PMS1: variants seen among roughly 807,000 people sequenced by gnomAD.
PMS1 encodes PMS1 protein homolog 1.
Under a neutral mutation model 93.1 loss-of-function variants are expected in PMS1, and 79 were observed. The observed-to-expected ratio is 0.85, with a 90% CI of 0.71 to 1.02. PMS1 has a LOEUF of 1.02. PMS1 is among the 50% of genes least tolerant of loss of function. The pLI, the probability that PMS1 is intolerant of heterozygous loss-of-function variation, is 0.00. For missense variants in PMS1, 1,064 were observed against 1,085.3 expected (o/e 0.98, Z 0.28); for synonymous variants, 335 against 363.4 (o/e 0.92, Z 0.89).
Position 189,844,088 on chromosome 2 carries a change from G to C in PMS1, c.699+8G>C, listed in dbSNP as rs773876259. ...CACTCTGAAGAATCTCAGGTATACT[G>C]CAAAAACATTCTCAGATAATTCTGA... is the stretch of plus-strand genomic sequence containing the variant. On this transcript the variant is annotated splice_region_variant and intron_variant, in intron 6 of 12. Coordinates refer to ENST00000441310, the MANE Select transcript of PMS1 (RefSeq NM_000534.5). 1 of 1,613,024 alleles carries C rather than the reference G, an allele frequency of 6.2e-7. No homozygotes were observed. Among genetic ancestry groups the C allele is most frequent in the African/African-American group, 1.3e-5 (1 of 74,884 alleles).
intron 11 of PMS1, among the ~76,000 whole-genome samples, chr2:189,871,474 G>A (rs1024926522): frequency 1.3e-5 from 2 of 152,176 alleles, no homozygotes; most frequent in Non-Finnish European, 2.9e-5. Context: ...AAATCCTTGC[G>A]GGGACATAAA....
intron 5 of PMS1, among the ~76,000 whole-genome samples, chr2:189,820,162 A>G (rs1036859351): frequency 6.6e-6 from 1 of 152,196 alleles, no homozygotes; most frequent in Non-Finnish European, 1.5e-5. Flanking sequence ...TGTAGGGATT[A>G]TATCAGTTTT....
chr2:189,819,662 G>A (rs1167249024), intron 5 of PMS1, among the ~76,000 whole-genome samples: 6 of 152,026 alleles, frequency 3.9e-5, no homozygotes, highest in Non-Finnish European at 8.8e-5. Context: ...TATGCTTGCT[G>A]GCCTTTTGTC....
chr2:189,872,519 T>C (rs975707464), intron 11 of PMS1, among the ~76,000 whole-genome samples: 1 of 152,238 alleles, frequency 6.6e-6, no homozygotes, highest in Non-Finnish European at 1.5e-5. Context: ...ACATCTTTGC[T>C]ATGTTCCAAA....
chr2:189,826,225 G>C (rs1233291), intron 5 of PMS1, among the ~76,000 whole-genome samples: 66,450 of 151,976 alleles, frequency 0.44, 19,528 homozygotes, highest in African/African-American at 0.85. Context: ...TTCCCCTCCC[G>C]CAATCCCAGC....
chr2:189,844,331 G>A (rs2106415643), intron 6 of PMS1, among the ~76,000 whole-genome samples: 1 of 152,094 alleles, frequency 6.6e-6, no homozygotes, highest in African/African-American at 2.4e-5. Context: ...AATCTTTTCT[G>A]TTTACTTTCT....
At chr2:189,852,281 A>G (rs1185160655) in intron 6 of PMS1, among the ~76,000 whole-genome samples, 2 of 152,220 alleles carry the variant, frequency 1.3e-5, no homozygotes, top group Non-Finnish European at 2.9e-5. Context: ...AGACAAAAGG[A>G]CAAACAGCCA....
chr2:189,856,968 C>T (rs2055399396), intron 9 of PMS1, among the ~76,000 whole-genome samples: 1 of 152,044 alleles, frequency 6.6e-6, no homozygotes, highest in Admixed American at 6.6e-5. Flanking sequence ...TCTCACATTG[C>T]CATAAAGTAG....
rs750916185 is a variant in PMS1, at chr2:189,791,869, G to C, written c.60G>C (p.Ser20=). Residue 20 remains serine (S), a synonymous_variant, in exon 2 of 13, where the codon TCG becomes TCC. Coordinates refer to ENST00000441310, the MANE Select transcript of PMS1 (RefSeq NM_000534.5). Reference sequence around the variant, plus strand: ...TTTCAAGTTCTCAGATCATCACTTCGGTGGTCAGTGTTGTAAAAGAGCTTA... The same window carrying C: ...TTTCAAGTTCTCAGATCATCACTTCCGTGGTCAGTGTTGTAAAAGAGCTTA... ...RLLSSSQIIT[S]VVSVVKELIE... The C allele has an allele frequency of 6.2e-7, 1 of 1,613,692 alleles. No homozygotes were observed. Among genetic ancestry groups the C allele is most frequent in the Non-Finnish European group, 8.5e-7 (1 of 1,179,632 alleles).
rs964371426 is a variant in PMS1 at position 189,828,942 on chromosome 2, A to G, written c.582+10762A>G. On this transcript the variant is annotated intron_variant, in intron 5 of 12. Transcript: ENST00000441310. The stretch of plus-strand genomic sequence containing the variant: ...GGATCCTTAGATCTTTACATCTGAA[A>G]AGACCACTGAAAATGTTTTTTGTCC... 5.3e-5 allele frequency among the ~76,000 whole-genome samples: 8 copies of G among 152,050 alleles called. 1 individual carries two copies. Among genetic ancestry groups the G allele is most frequent in the African/African-American group, 1.7e-4 (7 of 41,386 alleles).
chr2:189,868,337 C>T (rs774168348), intron 11 of PMS1, among the ~76,000 whole-genome samples: 68 of 152,156 alleles, frequency 4.5e-4, no homozygotes, highest in Non-Finnish European at 7.6e-4. Flanking sequence ...GCCAATTAGA[C>T]GTGTAACATC....
intron 3 of PMS1, among the ~76,000 whole-genome samples, chr2:189,802,083 A>G (rs1458819399): frequency 6.6e-6 from 1 of 152,218 alleles, no homozygotes; most frequent in East Asian, 1.9e-4. Context: ...CATCCTCTGC[A>G]TAACATTTAC....
intron 4 of PMS1, among the ~76,000 whole-genome samples, chr2:189,814,872 C>T (rs1355732116): frequency 6.6e-6 from 1 of 151,984 alleles, no homozygotes; most frequent in Non-Finnish European, 1.5e-5. Flanking sequence ...CCAAGGTGGG[C>T]AGATCACGAG....
chr2:189,822,699 T>C (rs896719222), intron 5 of PMS1, among the ~76,000 whole-genome samples: 23 of 152,230 alleles, frequency 1.5e-4, no homozygotes, highest in Non-Finnish European at 1.5e-5. Context: ...GCTCGGCTAA[T>C]TGTTAGTATC....
chr2:189,853,014 C>T (rs2054914083), intron 7 of PMS1, among the ~76,000 whole-genome samples: 1 of 152,134 alleles, frequency 6.6e-6, no homozygotes, highest in South Asian at 2.1e-4. Flanking sequence ...TCTTAGGCCA[C>T]ATAGCCAGGA....
chr2:189,816,880 A>G (rs979958176), intron 4 of PMS1, among the ~76,000 whole-genome samples: 3 of 152,006 alleles, frequency 2.0e-5, no homozygotes, highest in Non-Finnish European at 2.9e-5. Context: ...ACAGCTAATC[A>G]AAACAAAATG....
chr2:189,787,576 C>A (rs1283445747), intron 1 of PMS1, among the ~76,000 whole-genome samples: 1 of 147,922 alleles, frequency 6.8e-6, no homozygotes. Context: ...TATCCAAATA[C>A]GTAATTAAGA....
intron 1 of PMS1, among the ~76,000 whole-genome samples, chr2:189,785,813 T>C (rs941874955): frequency 6.6e-6 from 1 of 151,818 alleles, no homozygotes; most frequent in African/African-American, 2.4e-5. Flanking sequence ...GAGGAAGGAG[T>C]GAGTGTCACC....
At chr2:189,823,881 A>G (rs1413815595) in intron 5 of PMS1, among the ~76,000 whole-genome samples, 1 of 152,224 alleles carries the variant, frequency 6.6e-6, no homozygotes, top group Non-Finnish European at 1.5e-5. Flanking sequence ...TAAATTAGTT[A>G]TTATAACTAA....
Sources: gnomAD v4.1 joint callset for allele counts (sites outside exome capture counted in the v4.1 genomes callset) on GRCh38, gnomAD v4.1.1 for gene constraint, MANE v1.5 for transcripts, NCBI Gene and HGNC (gene_info 2026-07-23, HGNC 2026-07-21) for gene names.